GAPDH: variants seen among roughly 807,000 people sequenced by gnomAD.
GAPDH encodes the protein glyceraldehyde-3-phosphate dehydrogenase.
GAPDH carries 13 observed loss-of-function variants against 31.2 expected under a neutral mutation model. The observed-to-expected ratio is 0.42, with a 90% CI of 0.27 to 0.66. The LOEUF (loss-of-function observed/expected upper bound fraction) is 0.66, where lower values mean the gene tolerates loss of function less well. Among genes scored for constraint, GAPDH ranks in the 30% least tolerant of loss-of-function variants. The probability of loss-of-function intolerance (pLI) is 0.26; values close to 1 mark genes in which losing one functional copy is unlikely to be tolerated. For missense variants in GAPDH, 300 were observed against 443.7 expected (o/e 0.68, Z 2.91); for synonymous variants, 211 against 166.9 (o/e 1.26, Z -2.04).
rs1164309527 is a variant in GAPDH at position 6,535,242 on chromosome 12, A to C, written c.29+381A>C. On this transcript the variant is annotated intron_variant, in intron 2 of 8. Transcript: ENST00000229239. ...CCGGCACCGCAGGCCCCGGGATGCT[A>C]GTGCGCAGCGGGTGCATCCCTGTCC... 3 of 1,072,586 alleles carry C rather than the reference A, an allele frequency of 2.8e-6. No homozygotes were observed. In the East Asian group the frequency reaches 2.1e-4, roughly 73 times the overall value. 66.4% of individuals were successfully genotyped at this position (1,072,586 alleles called of 1,614,324 possible).
At position 6,537,156 on chromosome 12, in the gene GAPDH, C is replaced by T. The variant is rs1373728143; in HGVS notation, c.383C>T (p.Ala128Val). The part of the protein sequence containing the change: ...RVIISAPSAD[A>V]PMFVMGVNHE... ...ATCATCTCTGCCCCCTCTGCTGATG[C>T]CCCCATGTTCGTCATGGGTGTGAAC... Residue 128 changes from alanine to valine, a missense_variant, in exon 6 of 9, where the codon GCC (alanine) becomes GTC (valine). Transcript: ENST00000229239. This position sits in a 1 kb window ranked among gnomAD's most constrained non-coding sequence, Gnocchi z 4.9. 5 of 1,613,498 alleles carry T rather than the reference C, an allele frequency of 3.1e-6. No homozygotes were observed. In the Admixed American group the frequency reaches 5.0e-5, roughly 16 times the overall value.
In GAPDH at chr12:6,537,927, C is replaced by G. The variant is rs1373919563; in HGVS notation, c.869C>G (p.Thr290Ser). 6.2e-7 allele frequency: 1 copy of G among 1,614,062 alleles called. No individual in the cohort carries two copies. Among genetic ancestry groups the G allele is most frequent in the Non-Finnish European group, 8.5e-7 (1 of 1,180,050 alleles). The change falls in exon 8 of 9, where the codon ACC (threonine) becomes AGC (serine). Residue 290 changes from threonine (T) to serine (S), a missense_variant. By Grantham distance (58) the Thr-to-Ser change is moderately conservative (BLOSUM62 1). Coordinates refer to ENST00000229239, the MANE Select transcript of GAPDH (RefSeq NM_002046.7). This position sits in a 1 kb window ranked among gnomAD's most constrained non-coding sequence, Gnocchi z 4.9. Reference protein sequence around the residue: ...QVVSSDFNSDTHSSTFDAGAG... With the variant: ...QVVSSDFNSDSHSSTFDAGAG... ...GTCTCCTCTGACTTCAACAGCGACA[C>G]CCACTCCTCCACCTTTGACGCTGGG...
intron 2 of GAPDH, chr12:6,535,091 C>T (rs1261310059): frequency 9.2e-6 from 7 of 758,026 alleles, no homozygotes; most frequent in African/African-American, 1.9e-5. Flanking sequence ...TTCCCCTAGT[C>T]CCCAGAAACA....
At chr12:6,535,634 C>T (rs1946446754) in intron 2 of GAPDH, among the ~76,000 whole-genome samples, 1 of 152,196 alleles carries the variant, frequency 6.6e-6, no homozygotes, top group Non-Finnish European at 1.5e-5. Flanking sequence ...CTTCCTGCAG[C>T]GCCGGCTCAC....
chr12:6,537,516 T>G lies in GAPDH; in HGVS notation c.526-68T>G. On this transcript the variant is annotated intron_variant, in intron 7 of 8. Transcript: ENST00000229239. The surrounding 1 kb of genome is among the most constrained non-coding windows in gnomAD (Gnocchi z 4.9). The stretch of plus-strand genomic sequence containing the variant: ...GGGACTGGCTTTCCCATAATTTCCT[T>G]TCAAGGTGGGGAGGGAGGTAGAGGG... 1 of 1,586,702 alleles carries G rather than the reference T, an allele frequency of 6.3e-7. No homozygotes were observed. Among genetic ancestry groups the G allele is most frequent in the Non-Finnish European group, 8.6e-7 (1 of 1,164,454 alleles).
At chr12:6,536,005 C>T (rs1946455827) in intron 2 of GAPDH, among the ~76,000 whole-genome samples, 2 of 152,208 alleles carry the variant, frequency 1.3e-5, no homozygotes, top group South Asian at 4.1e-4. Context: ...TTCCCACCCG[C>T]CCCAGTCTCT....
Position 6,536,915 on chromosome 12 carries a change from C to T in GAPDH, c.237-5C>T, listed in dbSNP as rs747569865. 6 of 1,612,512 alleles carry T rather than the reference C, an allele frequency of 3.7e-6. No homozygotes were observed. On this transcript the variant is annotated splice_polypyrimidine_tract_variant and splice_region_variant and intron_variant, in intron 4 of 8. Coordinates refer to ENST00000229239, the MANE Select transcript of GAPDH (RefSeq NM_002046.7). ...CCTGTCCCCATCTCCCCCCCACCCC[C>T]ATAGGCGAGATCCCTCCAAAATCAA...
Position 6,537,856 on chromosome 12 carries a change from G to A in GAPDH, c.798G>A (p.Ser266=), listed in dbSNP as rs200702058. 1.1e-5 allele frequency: 18 copies of A among 1,612,880 alleles called. No homozygotes were observed. In the Admixed American group the frequency reaches 1.3e-4, roughly 12 times the overall value. The change falls in exon 8 of 9, where the codon TCG becomes TCA. Residue 266 remains serine, a synonymous_variant. Transcript: ENST00000229239. This position sits in a 1 kb window ranked among gnomAD's most constrained non-coding sequence, Gnocchi z 4.9. Reference sequence around the variant, plus strand: ...TCAAGAAGGTGGTGAAGCAGGCGTCGGAGGGCCCCCTCAAGGGCATCCTGG... The same window carrying A: ...TCAAGAAGGTGGTGAAGCAGGCGTCAGAGGGCCCCCTCAAGGGCATCCTGG... ...DDIKKVVKQA[S]EGPLKGILGY... is the part of the protein sequence containing the mutation.
At chr12:6,536,387 G>T in intron 2 of GAPDH, 107 bp from the exon 3 acceptor site, 1 of 813,582 alleles carries the variant, frequency 1.2e-6, no homozygotes, top group Non-Finnish European at 2.1e-6. Context: ...CCTCCTGGGG[G>T]TAAGGAGATG....
Position 6,537,575 on chromosome 12 carries a change from CT to C in GAPDH, c.526-5del. The stretch of plus-strand genomic sequence containing the variant: ...GGGAGTACGCTGCAGGGCCTCACTC[CT>C]TTTGCAGACCACAGTCCATGCCATC... On this transcript the variant is annotated splice_polypyrimidine_tract_variant and splice_region_variant and intron_variant, in intron 7 of 8. Coordinates refer to ENST00000229239, the MANE Select transcript of GAPDH (RefSeq NM_002046.7). The surrounding 1 kb of genome is among the most constrained non-coding windows in gnomAD (Gnocchi z 4.9). 3 of 1,600,934 alleles carry C rather than the reference CT, an allele frequency of 1.9e-6. No homozygotes were observed. Among genetic ancestry groups the C allele is most frequent in the Non-Finnish European group, 2.5e-6 (3 of 1,177,732 alleles).
At chr12:6,535,014 G>A (rs1946430251) in intron 2 of GAPDH, 153 bp downstream of exon 2, 2 of 947,724 alleles carry the variant, frequency 2.1e-6, no homozygotes, top group African/African-American at 1.7e-5. Context: ...ACCTGGCGGA[G>A]CCCCGCACCC....
intron 2 of GAPDH, among the ~76,000 whole-genome samples, chr12:6,535,739 C>T (rs930700294): frequency 6.6e-6 from 1 of 152,190 alleles, no homozygotes; most frequent in African/African-American, 2.4e-5. Flanking sequence ...GTCTGGGCGC[C>T]TCGGGGAACC....
chr12:6,538,350 T>G lies in GAPDH; in HGVS notation c.*180T>G, dbSNP rs552128740. The G allele has an allele frequency of 3.7e-4, 221 of 605,264 alleles. 10 individuals carry two copies. In the South Asian group the frequency reaches 4.2e-3, roughly 12 times the overall value. The allele number at this position is 605,264 out of a possible 1,614,324, so 37.5% of individuals were successfully genotyped here. On this transcript the variant is annotated 3_prime_UTR_variant, in exon 9 of 9. Coordinates refer to ENST00000229239, the MANE Select transcript of GAPDH (RefSeq NM_002046.7). Reference sequence around the variant, plus strand: ...GCCGCACCTTGTCATGTACCATCAATAAAGTACCCTGTGCTCAACCAGTTA... The same window carrying G: ...GCCGCACCTTGTCATGTACCATCAAGAAAGTACCCTGTGCTCAACCAGTTA...
In GAPDH at chr12:6,537,464, C is replaced by G. The variant is rs528294601; in HGVS notation, c.525+74C>G. ...GACTGGCTCCTCCCTGCCGGGGCTGCGTGCAACCCTGGGGTTGGGGGTTCT... is the reference window on the plus strand; with the variant it reads ...GACTGGCTCCTCCCTGCCGGGGCTGGGTGCAACCCTGGGGTTGGGGGTTCT... On this transcript the variant is annotated intron_variant, in intron 7 of 8. Transcript: ENST00000229239. The surrounding 1 kb of genome is among the most constrained non-coding windows in gnomAD (Gnocchi z 4.9). The G allele has an allele frequency of 2.8e-5, 44 of 1,579,468 alleles. No individual in the cohort carries two copies. The highest frequency in any genetic ancestry group is 3.7e-5 in the Non-Finnish European group (43 of 1,152,068).
intron 2 of GAPDH, 28 bp downstream of exon 2, chr12:6,534,889 T>G: frequency 6.2e-7 from 1 of 1,610,564 alleles, no homozygotes; most frequent in Non-Finnish European, 8.5e-7. Flanking sequence ...TGGGGGGCCC[T>G]GGGCTGCGAC....
chr12:6,537,472 C>G lies in GAPDH; in HGVS notation c.525+82C>G. 1.9e-6 allele frequency: 3 copies of G among 1,584,810 alleles called. No homozygotes were observed. Among genetic ancestry groups the G allele is most frequent in the South Asian group, 2.2e-5 (2 of 89,536 alleles). ...CCTCCCTGCCGGGGCTGCGTGCAAC[C>G]CTGGGGTTGGGGGTTCTGGGGACTG... On this transcript the variant is annotated intron_variant, in intron 7 of 8. Transcript: ENST00000229239. The surrounding 1 kb of genome is among the most constrained non-coding windows in gnomAD (Gnocchi z 4.9).
intron 2 of GAPDH, among the ~76,000 whole-genome samples, chr12:6,536,200 T>C (rs1294983308): frequency 2.6e-5 from 4 of 152,182 alleles, no homozygotes; most frequent in African/African-American, 9.7e-5. Flanking sequence ...GTGAATACCA[T>C]GTACAAAGCT....
At chr12:6,536,843 G>A in intron 4 of GAPDH, 53 bp downstream of exon 4, 1 of 1,576,608 alleles carries the variant, frequency 6.3e-7, no homozygotes, top group Non-Finnish European at 8.7e-7. Flanking sequence ...AACTAGGATG[G>A]TGTGGCTCCC....
chr12:6,535,783 G>C (rs902060598), intron 2 of GAPDH, among the ~76,000 whole-genome samples: 2 of 152,150 alleles, frequency 1.3e-5, no homozygotes, highest in Non-Finnish European at 2.9e-5. Flanking sequence ...CCGGAAACCA[G>C]ATCTCCCACC....
Sources: gnomAD v4.1 joint callset for allele counts (sites outside exome capture counted in the v4.1 genomes callset) on GRCh38, gnomAD v4.1.1 for gene constraint, Gnocchi (gnomAD v3.1) non-coding constraint, MANE v1.5 for transcripts, NCBI Gene and HGNC (gene_info 2026-07-23, HGNC 2026-07-21) for gene names.